Variants in ZFAT observed in about 807,000 individuals in gnomAD.
ZFAT encodes zinc finger and AT-hook domain containing.
In ZFAT, 64 loss-of-function variants were observed where a neutral mutation model predicts 117.7. That is an observed-to-expected ratio of 0.54 (90% CI 0.44 to 0.67). The LOEUF is 0.67. Among genes scored for constraint, ZFAT ranks in the 30% least tolerant of loss-of-function variants. The probability of loss-of-function intolerance (pLI) is 0.00; values close to 1 mark genes in which losing one functional copy is unlikely to be tolerated. For synonymous variants in ZFAT, 679 were observed against 615.0 expected, an observed-to-expected ratio of 1.10 and a Z score of -1.54; for missense variants, 1,433 against 1,584.5, an observed-to-expected ratio of 0.90 and a Z score of 1.62.
chr8:134,761,554 A>T, the ZFAT span, among the ~76,000 whole-genome samples: 8 of 151,508 alleles, frequency 5.3e-5, no homozygotes, highest in Admixed American at 1.3e-4. Flanking sequence ...ACAAAAATTA[A>T]CTAGGCATGG....
intron 3 of ZFAT, among the ~76,000 whole-genome samples, chr8:134,632,683 G>A (rs901417952): frequency 1.3e-5 from 2 of 151,990 alleles, no homozygotes; most frequent in Non-Finnish European, 2.9e-5. Context: ...AAACAGTGGT[G>A]ACAATACAGA....
intron 3 of ZFAT, among the ~76,000 whole-genome samples, chr8:134,621,511 G>A (rs1829102536): frequency 6.6e-6 from 1 of 151,996 alleles, no homozygotes; most frequent in Non-Finnish European, 1.5e-5. Context: ...TCTTATAAAT[G>A]TGCTCTTCCA....
At chr8:134,573,372 T>C (rs1825077470) in intron 10 of ZFAT, among the ~76,000 whole-genome samples, 1 of 152,064 alleles carries the variant, frequency 6.6e-6, no homozygotes. Context: ...AACAAATTCG[T>C]TTAAGAAAGG....
chr8:134,809,856 A>G, the ZFAT span, among the ~76,000 whole-genome samples: 1 of 152,202 alleles, frequency 6.6e-6, no homozygotes, highest in Non-Finnish European at 1.5e-5. Flanking sequence ...ACCGACAGTG[A>G]GTTGAATAGT....
At chr8:134,824,605 C>T in the ZFAT span, among the ~76,000 whole-genome samples, 2 of 152,182 alleles carry the variant, frequency 1.3e-5, no homozygotes, top group Non-Finnish European at 2.9e-5. Context: ...TATCTCTACA[C>T]AAATATGTTC....
At chr8:134,535,489 C>G (rs1391487407) in intron 11 of ZFAT, among the ~76,000 whole-genome samples, 1 of 122,900 alleles carries the variant, frequency 8.1e-6, no homozygotes, top group South Asian at 3.6e-4. Context: ...CCCTCCCCCT[C>G]CCCCTCCCCC....
chr8:134,776,104 A>G, the ZFAT span, among the ~76,000 whole-genome samples: 2 of 152,220 alleles, frequency 1.3e-5, no homozygotes. Flanking sequence ...GTCCTCTTAA[A>G]TAGAAACAGA....
intron 12 of ZFAT, among the ~76,000 whole-genome samples, chr8:134,531,719 G>A (rs542631020): frequency 7.9e-5 from 12 of 152,328 alleles, no homozygotes; most frequent in East Asian, 7.7e-4. Flanking sequence ...CATGCTCGCC[G>A]TTACCCCAGA....
the ZFAT span, among the ~76,000 whole-genome samples, chr8:134,757,673 T>A: frequency 5.3e-4 from 81 of 152,278 alleles, no homozygotes; most frequent in African/African-American, 1.7e-3. Context: ...TTTTGCAGGG[T>A]ACCAATGATT....
chr8:134,624,276 C>T (rs1829344622), intron 3 of ZFAT, among the ~76,000 whole-genome samples: 1 of 151,928 alleles, frequency 6.6e-6, no homozygotes, highest in East Asian at 1.9e-4. Context: ...CCATTTGATA[C>T]AAAATCTCTC....
At chr8:134,546,248 G>A (rs1683326296) in intron 11 of ZFAT, among the ~76,000 whole-genome samples, 1 of 152,204 alleles carries the variant, frequency 6.6e-6, no homozygotes, top group Non-Finnish European at 1.5e-5. Flanking sequence ...ATCTGGCATT[G>A]CCAAGCTTAA....
Position 134,512,599 on chromosome 8 carries a change from T to G in ZFAT, c.3237A>C (p.Thr1079=), listed in dbSNP as rs375386350. ...VEIDGDPKWE[T]ATEAPEEPST... Reference sequence around the variant, plus strand: ...AGGGCTCCTCAGGAGCTTCTGTTGCTGTCTAAATAAAAACATAGTACCTAA... The same window carrying G: ...AGGGCTCCTCAGGAGCTTCTGTTGCGGTCTAAATAAAAACATAGTACCTAA... Residue 1079 remains threonine, a splice_region_variant and synonymous_variant, in exon 14 of 16, where the codon ACA becomes ACC. Transcript: ENST00000377838. The G allele has an allele frequency of 6.2e-6, 10 of 1,612,476 alleles. No individual in the cohort carries two copies. In the African/African-American group the frequency reaches 1.2e-4, roughly 19 times the overall value.
the ZFAT span, among the ~76,000 whole-genome samples, chr8:134,773,980 ATTAATTTTTTTTT>A: frequency 8.1e-6 from 1 of 123,632 alleles, no homozygotes; most frequent in African/African-American, 3.4e-5. Context: ...GAGCTTGAGG[ATTAATTTTTTTTT>A]TTTTTTTTTT....
At chr8:134,735,897 A>T in the ZFAT span, among the ~76,000 whole-genome samples, 1 of 151,998 alleles carries the variant, frequency 6.6e-6, no homozygotes, top group Non-Finnish European at 1.5e-5. Context: ...TTTAGAATTT[A>T]AAAAAAAGGT....
At chr8:134,705,879 T>A (rs1834138708) in intron 1 of ZFAT, among the ~76,000 whole-genome samples, 1 of 151,978 alleles carries the variant, frequency 6.6e-6, no homozygotes, top group Non-Finnish European at 1.5e-5. Flanking sequence ...TAGACACATC[T>A]CTAAAGATGA....
At chr8:134,509,590 A>T (rs1168507961) in intron 15 of ZFAT, 29 bp downstream of exon 15, 2 of 1,612,508 alleles carry the variant, frequency 1.2e-6, no homozygotes, top group East Asian at 2.2e-5. Context: ...ACACACAGAG[A>T]TGAATAGTTA....
chr8:134,545,357 T>C (rs898061196), intron 11 of ZFAT, among the ~76,000 whole-genome samples: 5 of 151,824 alleles, frequency 3.3e-5, no homozygotes, highest in Admixed American at 6.6e-5. Context: ...ACCAAAAAAT[T>C]TTTTTTAATT....
intron 3 of ZFAT, among the ~76,000 whole-genome samples, chr8:134,631,057 C>T (rs961649939): frequency 6.6e-5 from 10 of 152,158 alleles, no homozygotes; most frequent in Admixed American, 6.5e-4. Context: ...GAGCTTCAAC[C>T]GTGGCTGGAA....
chr8:134,610,761 T>G, intron 3 of ZFAT, 106 bp from the exon 4 acceptor site: 1 of 1,324,104 alleles, frequency 7.6e-7, no homozygotes, highest in East Asian at 2.3e-5. Flanking sequence ...CACAGCTCTT[T>G]GGTCTGCAGT....
Sources: allele counts gnomAD v4.1 joint callset (sites outside exome capture counted in the v4.1 genomes callset), GRCh38; gene constraint gnomAD v4.1.1; transcripts MANE v1.5; gene names NCBI Gene and HGNC (gene_info 2026-07-23, HGNC 2026-07-21).